Variants in HOXC4 observed in about 807,000 individuals in gnomAD.
HOXC4 encodes homeobox C4, also known as homeobox protein Hox-C4.
In HOXC4, 15 loss-of-function variants were observed where a neutral mutation model predicts 25.5. The observed-to-expected ratio is 0.59, with a 90% CI of 0.39 to 0.91. HOXC4 has a LOEUF of 0.91. Among genes scored for constraint, HOXC4 ranks in the 40% least tolerant of loss-of-function variants. The probability of loss-of-function intolerance (pLI) is 0.00; values close to 1 mark genes in which losing one functional copy is unlikely to be tolerated. For missense variants in HOXC4, 342 were observed against 352.4 expected, an observed-to-expected ratio of 0.97 and a Z score of 0.24; for synonymous variants, 165 against 148.0, an observed-to-expected ratio of 1.11 and a Z score of -0.83.
At position 54,022,518 on chromosome 12, in the gene HOXC4, T is replaced by TCC. The variant is rs1247727532; in HGVS notation, c.-124+5105_-124+5106insCC. Reference sequence around the variant, plus strand: ...ATTAATTTTCCCCTCCCAGTCTCTCTCTCTCTCTTTTTGCCAGCACAGATT... The same window carrying TCC: ...ATTAATTTTCCCCTCCCAGTCTCTCTCCCTCTCTCTTTTTGCCAGCACAGATT... On this transcript the variant is annotated intron_variant, in intron 1 of 3. Transcript: ENST00000303406. 4 of 152,314 alleles carry TCC rather than the reference T, an allele frequency of 2.6e-5. No individual in the cohort carries two copies. In the East Asian group the frequency reaches 7.7e-4, roughly 29 times the overall value. The allele number at this position is 152,314 out of a possible 1,614,324, so 9.4% of individuals were successfully genotyped here. A position where few individuals can be genotyped will look rare whatever the true frequency, so the allele number is the denominator to read the frequency against.
upstream of HOXC4, chr12:54,053,823 C>T: frequency 1.1e-6 from 1 of 885,342 alleles, no homozygotes; most frequent in Non-Finnish European, 1.8e-6. Context: ...GGAGGAGTCA[C>T]ATGGTGAAAG....
intron 1 of HOXC4, among the ~76,000 whole-genome samples, chr12:54,047,434 C>A (rs1040321412): frequency 6.6e-6 from 1 of 152,228 alleles, no homozygotes; most frequent in Admixed American, 6.5e-5. Context: ...AAGCCCGCCC[C>A]GGACCCAGGC....
Position 54,053,988 on chromosome 12 carries a change from A to G in HOXC4, c.66A>G (p.Glu22=). Residue 22 remains glutamate (E), a synonymous_variant, in exon 1 of 2, where the codon GAA becomes GAG. Transcript: ENST00000430889. ...ATCCGAAATTTCCTCCATGCGAAGA[A>G]TATTCGCAAAATAGCTACATCCCTG... is the stretch of plus-strand genomic sequence containing the variant. ...YIDPKFPPCE[E]YSQNSYIPEH... 1 of 1,614,166 alleles carries G rather than the reference A, an allele frequency of 6.2e-7. No individual in the cohort carries two copies.
At chr12:54,025,530 G>C (rs974928372) in intron 1 of HOXC4, among the ~76,000 whole-genome samples, 57 of 42,094 alleles carry the variant, frequency 1.4e-3, no homozygotes, top group Non-Finnish European at 2.2e-3. Flanking sequence ...AGGTAATTGG[G>C]GGGGGGGGAG....
intron 1 of HOXC4, chr12:54,029,483 C>A: frequency 6.5e-6 from 2 of 308,820 alleles, no homozygotes; most frequent in Non-Finnish European, 5.5e-6. Flanking sequence ...AAGTTGGGGT[C>A]CTCGCTGTAC....
intron 1 of HOXC4, among the ~76,000 whole-genome samples, chr12:54,046,244 C>T (rs926631211): frequency 6.6e-6 from 1 of 152,164 alleles, no homozygotes; most frequent in Non-Finnish European, 1.5e-5. Context: ...TTGATGCCTC[C>T]GCGTCTCCTG....
intron 1 of HOXC4, among the ~76,000 whole-genome samples, chr12:54,025,354 A>G (rs551033651): frequency 3.3e-5 from 5 of 152,350 alleles, no homozygotes; most frequent in South Asian, 2.1e-4. Flanking sequence ...TGCCAAAAAA[A>G]TAAAATTAAC....
intron 1 of HOXC4, chr12:54,030,159 G>GCCT: frequency 1.8e-6 from 1 of 541,014 alleles, no homozygotes; most frequent in Non-Finnish European, 3.2e-6. Context: ...TTCACCACGC[G>GCCT]CCTCCTCCTC....
chr12:54,026,971 G>C (rs1470594073), intron 1 of HOXC4, among the ~76,000 whole-genome samples: 2 of 138,436 alleles, frequency 1.4e-5, no homozygotes, highest in Non-Finnish European at 3.3e-5. Context: ...TGGTGGGGGG[G>C]GGGGGATATG....
At chr12:54,041,349 A>G (rs1941268548) in intron 1 of HOXC4, among the ~76,000 whole-genome samples, 1 of 152,218 alleles carries the variant, frequency 6.6e-6, no homozygotes, top group African/African-American at 2.4e-5. Context: ...GCTTTGTTTC[A>G]GAGTGAATTT....
chr12:54,028,513 G>A, intron 1 of HOXC4: 1 of 1,612,598 alleles, frequency 6.2e-7, no homozygotes, highest in Non-Finnish European at 8.5e-7. Context: ...ACCAGGTAAA[G>A]GCAAAGGGAT....
intron 1 of HOXC4, chr12:54,033,076 A>G: frequency 6.7e-7 from 1 of 1,488,888 alleles, no homozygotes; most frequent in Non-Finnish European, 9.2e-7. Context: ...GTCACAAATC[A>G]CCCTTAATCA....
At chr12:54,054,732 AT>A (rs1217325058) in intron 1 of HOXC4, 117 bp from the exon 2 acceptor site, 1 of 680,064 alleles carries the variant, frequency 1.5e-6, no homozygotes, top group African/African-American at 1.8e-5. Context: ...TTTAAGCTTG[AT>A]GACTTTATTT....
chr12:54,049,113 G>A (rs1937785078), upstream of HOXC4, among the ~76,000 whole-genome samples: 1 of 152,226 alleles, frequency 6.6e-6, no homozygotes, highest in African/African-American at 2.4e-5. Context: ...AGGGAGGAAG[G>A]TGGTGGGGAA....
chr12:54,054,205 C>A lies in HOXC4; in HGVS notation c.283C>A (p.Gln95Lys), dbSNP rs775633036. The A allele has an allele frequency of 4.1e-5, 66 of 1,612,818 alleles. No individual in the cohort carries two copies. Among genetic ancestry groups the A allele is most frequent in the Admixed American group, 1.0e-4 (6 of 59,932 alleles). Residue 95 changes from glutamine (Q) to lysine (K), a missense_variant, in exon 1 of 2, where the codon CAG becomes AAG. By Grantham distance (53) the Gln-to-Lys change is moderately conservative (BLOSUM62 1). Transcript: ENST00000430889. ...QAGHHHPEKSQSLCEPAPLSG... is the reference protein window; with the variant it reads ...QAGHHHPEKSKSLCEPAPLSG... Reference sequence around the variant, plus strand: ...GGGCCACCACCACCCCGAGAAATCACAGTCGCTCTGCGAGCCGGCGCCTCT... The same window carrying A: ...GGGCCACCACCACCCCGAGAAATCAAAGTCGCTCTGCGAGCCGGCGCCTCT...
chr12:54,051,398 A>G (rs1416490018), upstream of HOXC4, among the ~76,000 whole-genome samples: 1 of 150,462 alleles, frequency 6.6e-6, no homozygotes, highest in Non-Finnish European at 1.5e-5. Context: ...GCAATTTATA[A>G]TGAACCCACC....
intron 1 of HOXC4, among the ~76,000 whole-genome samples, chr12:54,025,104 G>T (rs990662345): frequency 1.7e-4 from 26 of 152,144 alleles, no homozygotes; most frequent in African/African-American, 5.1e-4. Flanking sequence ...TGATGGGGTT[G>T]GGGGGTAGTG....
intron 1 of HOXC4, among the ~76,000 whole-genome samples, chr12:54,045,796 TTCTGTC>T (rs1261513128): frequency 1.3e-5 from 2 of 152,118 alleles, no homozygotes; most frequent in African/African-American, 4.8e-5. Context: ...AAGCAAGTAA[TTCTGTC>T]TCTATTTCTA....
intron 1 of HOXC4, chr12:54,034,043 C>T (rs551356077): frequency 4.9e-5 from 34 of 699,102 alleles, no homozygotes; most frequent in South Asian, 4.2e-4. Context: ...CCCCCAACCC[C>T]CCCTCAGCCC....
Sources: gnomAD v4.1 joint callset for allele counts (sites outside exome capture counted in the v4.1 genomes callset) on GRCh38, gnomAD v4.1.1 for gene constraint, MANE v1.5 for transcripts, NCBI Gene and HGNC (gene_info 2026-07-23, HGNC 2026-07-21) for gene names.